The following DENND4B variants were observed in gnomAD, a reference collection of about 807,000 sequenced individuals.
DENND4B encodes DENN domain-containing protein 4B.
In DENND4B, 67 loss-of-function variants were observed where a neutral mutation model predicts 161.0. That is an observed-to-expected ratio of 0.42 (90% CI 0.34 to 0.51). DENND4B has a LOEUF of 0.51. DENND4B is among the 20% of genes least tolerant of loss of function. The pLI is 0.08. For missense variants in DENND4B, 1,481 were observed against 1,968.0 expected, an observed-to-expected ratio of 0.75 and a Z score of 4.68; for synonymous variants, 753 against 813.8, an observed-to-expected ratio of 0.93 and a Z score of 1.27.
Position 153,937,358 on chromosome 1 carries a change from C to T in DENND4B, c.2232+130G>A. The T allele has an allele frequency of 2.2e-6, 3 of 1,336,760 alleles. No homozygotes were observed. Among genetic ancestry groups the T allele is most frequent in the Non-Finnish European group, 2.9e-6 (3 of 1,017,618 alleles). The allele number at this position is 1,336,760 out of a possible 1,614,324, so 82.8% of individuals were successfully genotyped here. On this transcript the variant is annotated intron_variant, in intron 15 of 27. Coordinates refer to ENST00000361217, the MANE Select transcript of DENND4B (RefSeq NM_014856.3). This position sits in a 1 kb window ranked among gnomAD's most constrained non-coding sequence, Gnocchi z 4.7. ...TATACAGGGTTGCTTATGTGCCAAG[C>T]ACATTTAAACTCCTAACAACCTCAT... is the stretch of plus-strand genomic sequence containing the variant.
rs1679067733 is a variant in DENND4B, at chr1:153,933,109, C to T, written c.3454-79G>A. On this transcript the variant is annotated intron_variant, in intron 21 of 27. Coordinates refer to ENST00000361217, the MANE Select transcript of DENND4B (RefSeq NM_014856.3). The surrounding 1 kb of genome is among the most constrained non-coding windows in gnomAD (Gnocchi z 5.7). Reference sequence around the variant, plus strand: ...AGCCCATGCCCCTTCCCCAGCCCCTCCCACCTCCTCCCCATCTCCTGCCTT... The same window carrying T: ...AGCCCATGCCCCTTCCCCAGCCCCTTCCACCTCCTCCCCATCTCCTGCCTT... 7 of 1,610,100 alleles carry T rather than the reference C, an allele frequency of 4.3e-6. No individual in the cohort carries two copies. In the East Asian group the frequency reaches 1.1e-4, roughly 26 times the overall value.
In DENND4B at chr1:153,942,525, A is replaced by C; in HGVS notation, c.640+31T>G. 1 of 1,584,714 alleles carries C rather than the reference A, an allele frequency of 6.3e-7. No homozygotes were observed. ...CACCAGGGCAAAGGGATGTAGGGTC[A>C]CAGGATTGGAGGGATAAAGGGGCCA... On this transcript the variant is annotated intron_variant, in intron 4 of 27. Coordinates refer to ENST00000361217, the MANE Select transcript of DENND4B (RefSeq NM_014856.3). The surrounding 1 kb of genome is among the most constrained non-coding windows in gnomAD (Gnocchi z 6.9).
rs373534970 is a variant in DENND4B, at chr1:153,944,215, C to T, written c.160G>A (p.Ala54Thr). Residue 54 changes from alanine (A) to threonine (T), a missense_variant, in exon 2 of 28, where the codon GCT (alanine) becomes ACT (threonine). Coordinates refer to ENST00000361217, the MANE Select transcript of DENND4B (RefSeq NM_014856.3). This position sits in a 1 kb window ranked among gnomAD's most constrained non-coding sequence, Gnocchi z 4.8. ...GGCACTTCCTCGCCCAGTGCCCTAG[C>T]GATGACTGCCACATCTGTGATGGGC... ...AEPITDVAVIARALGEEVPQG... is the reference protein window; with the variant it reads ...AEPITDVAVITRALGEEVPQG... The T allele has an allele frequency of 4.4e-6, 7 of 1,608,160 alleles. No homozygotes were observed. Among genetic ancestry groups the T allele is most frequent in the South Asian group, 2.2e-5 (2 of 90,416 alleles).
At chr1:153,931,162 C>T (rs183373310) in intron 24 of DENND4B, 98 bp from the exon 25 acceptor site, 129 of 898,634 alleles carry the variant, frequency 1.4e-4, no homozygotes, top group African/African-American at 5.4e-4. Flanking sequence ...AGGGCCATTA[C>T]AGGACACAGC....
intron 6 of DENND4B, 95 bp from the exon 7 acceptor site, chr1:153,941,535 T>C: frequency 7.0e-7 from 1 of 1,422,134 alleles, no homozygotes; most frequent in Non-Finnish European, 9.5e-7. Context: ...CTCAAGAACC[T>C]TATTCCTTCC....
rs764700259 is a variant in DENND4B, at chr1:153,942,623, C to A, written c.573G>T (p.Trp191Cys). The A allele has an allele frequency of 1.3e-6, 2 of 1,587,944 alleles. No homozygotes were observed. The highest frequency in any genetic ancestry group is 2.3e-5 in the East Asian group (1 of 43,986). Reference protein sequence around the residue: ...RLPRNLNPGMWGPAVYLCYKV... With the variant: ...RLPRNLNPGMCGPAVYLCYKV... ...TATAGCACAGGTACACTGCTGGGCC[C>A]CACTACCCCAGAAATGGCAAGAGAC... The change falls in exon 4 of 28, where the codon TGG becomes TGT. Residue 191 changes from tryptophan (W) to cysteine (C), a missense_variant and splice_region_variant. Physicochemically the swap from Trp to Cys is radical, Grantham distance 215 (BLOSUM62 -2). Around this residue, in one of 3 missense-constraint regions of DENND4B, gnomAD observed 806 missense variants for 1,134.4 expected, o/e 0.71. Coordinates refer to ENST00000361217, the MANE Select transcript of DENND4B (RefSeq NM_014856.3). This position sits in a 1 kb window ranked among gnomAD's most constrained non-coding sequence, Gnocchi z 6.9.
chr1:153,935,115 G>A, intron 17 of DENND4B, 151 bp from the exon 18 acceptor site: 1 of 1,428,094 alleles, frequency 7.0e-7, no homozygotes, highest in East Asian at 2.5e-5. Flanking sequence ...AGGAACAAGA[G>A]CCCAGAAGAG....
In DENND4B at chr1:153,942,437, G is replaced by A; in HGVS notation, c.641-81C>T. ...AAGGGAAATGAACCAAGGGATCCCA[G>A]AGAAGGCCCGAGTAGCAAAGAGAAA... On this transcript the variant is annotated intron_variant, in intron 4 of 27. Transcript: ENST00000361217. The surrounding 1 kb of genome is among the most constrained non-coding windows in gnomAD (Gnocchi z 6.9). 3 of 1,571,272 alleles carry A rather than the reference G, an allele frequency of 1.9e-6. No homozygotes were observed. The South Asian group carries it at 3.5e-5, about 18-fold the overall frequency.
Position 153,936,103 on chromosome 1 carries a change from G to A in DENND4B, c.2525C>T (p.Ala842Val). The A allele has an allele frequency of 6.2e-7, 1 of 1,612,784 alleles. No homozygotes were observed. Among genetic ancestry groups the A allele is most frequent in the Non-Finnish European group, 8.5e-7 (1 of 1,179,420 alleles). The change falls in exon 17 of 28, where the codon GCA becomes GTA. Residue 842 changes from alanine to valine, a missense_variant. By Grantham distance (64) the Ala-to-Val change is moderately conservative. Coordinates refer to ENST00000361217, the MANE Select transcript of DENND4B (RefSeq NM_014856.3). The surrounding 1 kb of genome is among the most constrained non-coding windows in gnomAD (Gnocchi z 4.1). ...GGTGATGGTGTTGGGCACAATGCCT[G>A]CCTGACGCATCTCCAGCATGACCCG... ...SVRVMLEMRQ[A>V]GIVPNTITYG...
In DENND4B at chr1:153,934,639, G is replaced by T. The variant is rs1356960513; in HGVS notation, c.2773+121C>A. On this transcript the variant is annotated intron_variant, in intron 18 of 27. Coordinates refer to ENST00000361217, the MANE Select transcript of DENND4B (RefSeq NM_014856.3). This position sits in a 1 kb window ranked among gnomAD's most constrained non-coding sequence, Gnocchi z 5.3. ...TTATCCCTTTTGTTACCAGTCAAGT[G>T]TAATTTATCAATCCCCAGAAACCCA... The T allele has an allele frequency of 1.4e-5, 21 of 1,461,950 alleles. No individual in the cohort carries two copies. Among genetic ancestry groups the T allele is most frequent in the Non-Finnish European group, 1.7e-5 (19 of 1,098,396 alleles). 90.6% of individuals were successfully genotyped at this position (1,461,950 alleles called of 1,614,324 possible).
At position 153,946,285 on chromosome 1, in the gene DENND4B, T is replaced by A. The variant is rs1557861362; in HGVS notation, c.-24+16A>T. ...CGTCCCCGCCTGCCGCCCAGCCCGG[T>A]CCAGCCCCTACCTGCCTGTCCCGCG... On this transcript the variant is annotated intron_variant, in intron 1 of 27. Coordinates refer to ENST00000361217, the MANE Select transcript of DENND4B (RefSeq NM_014856.3). This position sits in a 1 kb window ranked among gnomAD's most constrained non-coding sequence, Gnocchi z 6.3. 2 of 347,680 alleles carry A rather than the reference T, an allele frequency of 5.8e-6. No homozygotes were observed. Among genetic ancestry groups the A allele is most frequent in the Admixed American group, 9.5e-5 (2 of 20,992 alleles). 21.5% of individuals were successfully genotyped at this position (347,680 alleles called of 1,614,324 possible). A position where few individuals can be genotyped will look rare whatever the true frequency, so the allele number is the denominator to read the frequency against.
At chr1:153,938,598 A>G (rs976648176) in intron 13 of DENND4B, among the ~76,000 whole-genome samples, 13 of 151,650 alleles carry the variant, frequency 8.6e-5, no homozygotes, top group Non-Finnish European at 1.5e-4. Context: ...GCTACTTAGG[A>G]GGCTGAGGCA....
chr1:153,933,941 A>G lies in DENND4B; in HGVS notation c.2942-70T>C, dbSNP rs1316317685. 3.2e-6 allele frequency: 5 copies of G among 1,568,230 alleles called. No individual in the cohort carries two copies. The highest frequency in any genetic ancestry group is 2.4e-5 in the South Asian group (2 of 83,818). On this transcript the variant is annotated intron_variant, in intron 19 of 27. Transcript: ENST00000361217. The surrounding 1 kb of genome is among the most constrained non-coding windows in gnomAD (Gnocchi z 5.7). ...CACCAACTTCCCCTTTCCTGAATAA[A>G]CACAATTCCTGGCTGCACAAACTCT...
Position 153,942,086 on chromosome 1 carries a change from C to G in DENND4B, c.838G>C (p.Glu280Gln). 6.2e-7 allele frequency: 1 copy of G among 1,613,096 alleles called. No homozygotes were observed. The highest frequency in any genetic ancestry group is 8.5e-7 in the Non-Finnish European group (1 of 1,179,580). The change falls in exon 6 of 28, where the codon GAG becomes CAG. Residue 280 changes from glutamate to glutamine, a missense_variant. Physicochemically the swap from Glu to Gln is conservative, Grantham distance 29. Transcript: ENST00000361217. The surrounding 1 kb of genome is among the most constrained non-coding windows in gnomAD (Gnocchi z 6.9). ...GATAGCCTGGCCCTTGGGAACGCCT[C>G]GTAGAACTGCAGGGCGGCACCATAC... is the stretch of plus-strand genomic sequence containing the variant. Reference protein sequence around the residue: ...KVYGAALQFYEAFPRARLSER... With the variant: ...KVYGAALQFYQAFPRARLSER...
Position 153,940,920 on chromosome 1 carries a change from C to T in DENND4B, c.1310G>A (p.Cys437Tyr), listed in dbSNP as rs753512359. ...SLRPDLLTSV[C>Y]EALVSMIFPL... Reference sequence around the variant, plus strand: ...GGCACTCACCGAGACGAGGGCCTCACAGACGCTGGTGAGCAGGTCTGGCCG... The same window carrying T: ...GGCACTCACCGAGACGAGGGCCTCATAGACGCTGGTGAGCAGGTCTGGCCG... Residue 437 changes from cysteine (C) to tyrosine (Y), a missense_variant, in exon 9 of 28, where the codon TGT becomes TAT. Cys to Tyr is a radical substitution (Grantham distance 194). Around this residue, in one of 3 missense-constraint regions of DENND4B, gnomAD observed 806 missense variants for 1,134.4 expected, o/e 0.71. Transcript: ENST00000361217. This position sits in a 1 kb window ranked among gnomAD's most constrained non-coding sequence, Gnocchi z 5.6. The T allele has an allele frequency of 6.3e-7, 1 of 1,579,924 alleles. No individual in the cohort carries two copies.
In DENND4B at chr1:153,930,223, G is replaced by T; in HGVS notation, c.*74C>A. 6.5e-7 allele frequency: 1 copy of T among 1,526,914 alleles called. No homozygotes were observed. The highest frequency in any genetic ancestry group is 8.8e-7 in the Non-Finnish European group (1 of 1,131,458). 94.6% of individuals were successfully genotyped at this position (1,526,914 alleles called of 1,614,324 possible). On this transcript the variant is annotated 3_prime_UTR_variant, in exon 28 of 28. Coordinates refer to ENST00000361217, the MANE Select transcript of DENND4B (RefSeq NM_014856.3). The surrounding 1 kb of genome is among the most constrained non-coding windows in gnomAD (Gnocchi z 4.7). ...TGTTCCCAACTCCATGAAGGCAACA[G>T]GGAAGCAGTTTAACTCTAGAATCCC...
At chr1:153,941,821 C>T (rs777214504) in intron 6 of DENND4B, 48 bp downstream of exon 6, 2 of 1,605,034 alleles carry the variant, frequency 1.2e-6, no homozygotes, top group African/African-American at 1.3e-5. Flanking sequence ...CTCCTGGCCC[C>T]CTTATCCCTT....
chr1:153,938,619 G>A (rs879477570), intron 13 of DENND4B, among the ~76,000 whole-genome samples: 13 of 148,416 alleles, frequency 8.8e-5, no homozygotes, highest in Admixed American at 1.3e-4. Flanking sequence ...GGAGAATGGC[G>A]TGAACCCGGG....
At position 153,940,367 on chromosome 1, in the gene DENND4B, C is replaced by CT; in HGVS notation, c.1502+63dup. The CT allele has an allele frequency of 2.5e-6, 4 of 1,583,670 alleles. No individual in the cohort carries two copies. Among genetic ancestry groups the CT allele is most frequent in the Non-Finnish European group, 3.4e-6 (4 of 1,163,046 alleles). On this transcript the variant is annotated intron_variant, in intron 10 of 27. Coordinates refer to ENST00000361217, the MANE Select transcript of DENND4B (RefSeq NM_014856.3). This position sits in a 1 kb window ranked among gnomAD's most constrained non-coding sequence, Gnocchi z 5.6. Reference sequence around the variant, plus strand: ...TGAAGCTCTTTTTGAGCCCGTAGCACTCCACACACTAGCCCATTCCTGCCC... The same window carrying CT: ...TGAAGCTCTTTTTGAGCCCGTAGCACTTCCACACACTAGCCCATTCCTGCCC...
Sources: allele counts gnomAD v4.1 joint callset (sites outside exome capture counted in the v4.1 genomes callset), GRCh38; gene constraint gnomAD v4.1.1; regional missense constraint gnomAD v4.1.1; non-coding constraint Gnocchi (gnomAD v3.1); transcripts MANE v1.5; gene names NCBI Gene and HGNC (gene_info 2026-07-23, HGNC 2026-07-21).